The following ANKRD30B variants were observed in gnomAD, a reference collection of about 807,000 sequenced individuals.
The protein encoded by ANKRD30B is ankyrin repeat domain 30B.
Under a neutral mutation model 202.2 loss-of-function variants are expected in ANKRD30B, and 144 were observed. The observed-to-expected ratio is 0.71, with a 90% CI of 0.62 to 0.82. The LOEUF (loss-of-function observed/expected upper bound fraction) is 0.82. Ranked by LOEUF, ANKRD30B falls within the 40% of genes least tolerant of loss-of-function variation. ANKRD30B has a pLI of 0.00. For synonymous variants in ANKRD30B, 508 were observed against 561.3 expected, an observed-to-expected ratio of 0.91 and a Z score of 1.34; for missense variants, 1,487 against 1,669.1, an observed-to-expected ratio of 0.89 and a Z score of 1.90.
intron 6 of ANKRD30B, 43 bp downstream of exon 6, chr18:14,760,661 A>G (rs1915111903): frequency 1.5e-6 from 2 of 1,347,996 alleles, no homozygotes; most frequent in Non-Finnish European, 2.0e-6. Context: ...GTGCTACCAT[A>G]AGATTAGGGA....
chr18:14,868,706 A>G, the ANKRD30B span, among the ~76,000 whole-genome samples: 148,356 of 152,326 alleles, frequency 0.97, 72,219 homozygotes, highest in Middle Eastern at 1. Context: ...ATCCTCCTGG[A>G]CCAGTTGATT....
intron 39 of ANKRD30B, among the ~76,000 whole-genome samples, chr18:14,848,266 A>G (rs1347219984): frequency 1.3e-5 from 2 of 152,232 alleles, no homozygotes; most frequent in East Asian, 3.9e-4. Flanking sequence ...GCTAAGAAGA[A>G]AAATCAATAC....
rs376354054 is a variant in ANKRD30B at position 14,752,633 on chromosome 18, T to G, written c.289T>G (p.Cys97Gly). The G allele has an allele frequency of 1.6e-5, 25 of 1,611,076 alleles. No homozygotes were observed. The East Asian group carries it at 3.6e-4, about 23-fold the overall frequency. The change falls in exon 2 of 44, where the codon TGC (cysteine) becomes GGC (glycine). Residue 97 changes from cysteine (C) to glycine (G), a missense_variant. Physicochemically the swap from Cys to Gly is radical, Grantham distance 159 (BLOSUM62 -3). Coordinates refer to ENST00000690538, the MANE Select transcript of ANKRD30B (RefSeq NM_001367607.2). ...AGTAACATTTCTGGTAGACAGAAAG[T>G]GCCAGCTTAATGTCCTTGATGGCGA... ...EVVTFLVDRK[C>G]QLNVLDGEGR...
chr18:14,788,324 C>G (rs904919225), intron 15 of ANKRD30B, among the ~76,000 whole-genome samples: 74 of 152,034 alleles, frequency 4.9e-4, no homozygotes, highest in Non-Finnish European at 1.0e-3. Flanking sequence ...GCTCAGTAAC[C>G]AAGTTAATGG....
chr18:14,887,427 A>G, the ANKRD30B span, among the ~76,000 whole-genome samples: 83 of 152,298 alleles, frequency 5.4e-4, no homozygotes, highest in African/African-American at 1.9e-3. Flanking sequence ...ATTCAAATAT[A>G]TTCTAACTTT....
intron 9 of ANKRD30B, among the ~76,000 whole-genome samples, chr18:14,773,801 G>C (rs1289927956): frequency 6.6e-6 from 1 of 151,834 alleles, no homozygotes; most frequent in Non-Finnish European, 1.5e-5. Context: ...GACTACAGGC[G>C]CATGCCACAA....
the ANKRD30B span, among the ~76,000 whole-genome samples, chr18:14,860,962 A>G: frequency 2.0e-5 from 3 of 152,176 alleles, no homozygotes; most frequent in Non-Finnish European, 4.4e-5. Flanking sequence ...TGGCCTCCCA[A>G]AGTGCTAGGA....
chr18:14,814,573 T>G, intron 29 of ANKRD30B, 48 bp from the exon 30 acceptor site: 1 of 1,185,814 alleles, frequency 8.4e-7, no homozygotes, highest in Non-Finnish European at 1.2e-6. Flanking sequence ...TACTCTTCAT[T>G]ATTGGGATTT....
At chr18:14,858,910 C>T (rs370773809), downstream of ANKRD30B, among the ~76,000 whole-genome samples, 9,189 of 61,246 alleles carry the variant, frequency 0.15, 1,168 homozygotes, top group African/African-American at 0.2. Flanking sequence ...ACTTCCCAGA[C>T]GGGGCGGCTG....
At chr18:14,791,350 C>T (rs1968492004) in intron 15 of ANKRD30B, 51 bp from the exon 16 acceptor site, 1 of 1,466,444 alleles carries the variant, frequency 6.8e-7, no homozygotes, top group Admixed American at 2.1e-5. Context: ...TGATACTCTT[C>T]ATTACTAGGA....
chr18:14,751,888 G>GA (rs1913513616), intron 1 of ANKRD30B, among the ~76,000 whole-genome samples: 1 of 152,088 alleles, frequency 6.6e-6, no homozygotes, highest in South Asian at 2.1e-4. Context: ...AAGACACTGT[G>GA]AATTGTGTGA....
At chr18:14,795,474 G>A (rs1233449836) in intron 16 of ANKRD30B, among the ~76,000 whole-genome samples, 1 of 152,330 alleles carries the variant, frequency 6.6e-6, no homozygotes, top group East Asian at 1.9e-4. Context: ...TGGAGTTACA[G>A]GCATGAGCCA....
intron 30 of ANKRD30B, chr18:14,816,087 T>A (rs1970086308): frequency 6.6e-6 from 1 of 152,186 alleles, no homozygotes. Flanking sequence ...TGGTGAATAT[T>A]TGTAATGTAA....
At chr18:14,916,148 C>T in the ANKRD30B span, among the ~76,000 whole-genome samples, 45 of 152,286 alleles carry the variant, frequency 3.0e-4, no homozygotes, top group African/African-American at 1.1e-3. Flanking sequence ...GGGCCTCAGC[C>T]AACCCTGATG....
chr18:14,763,656 G>C, intron 6 of ANKRD30B, 30 bp from the exon 7 acceptor site: 1 of 1,608,180 alleles, frequency 6.2e-7, no homozygotes, highest in Non-Finnish European at 8.5e-7. Context: ...TAAGCAGAAA[G>C]AAAATTTAAC....
Position 14,782,564 on chromosome 18 carries a change from T to C in ANKRD30B, c.1520T>C (p.Ile507Thr), listed in dbSNP as rs753735628. The C allele has an allele frequency of 1.9e-6, 3 of 1,590,900 alleles. No homozygotes were observed. Among genetic ancestry groups the C allele is most frequent in the Admixed American group, 3.7e-5 (2 of 54,462 alleles). ...AGTTCTGCAAAGACTCAAGTGTGTA[T>C]ACCTGAGTCTATGTATCAGAAAGTA... Reference protein sequence around the residue: ...FESSAKTQVCIPESMYQKVME... With the variant: ...FESSAKTQVCTPESMYQKVME... Residue 507 changes from isoleucine (I) to threonine (T), a missense_variant, in exon 12 of 44, where the codon ATA (isoleucine) becomes ACA (threonine). This residue lies in a region of ANKRD30B where 889 missense variants were observed against 841.4 expected (regional missense o/e 1.06). Transcript: ENST00000690538.
At chr18:14,887,123 C>T in the ANKRD30B span, among the ~76,000 whole-genome samples, 1 of 152,076 alleles carries the variant, frequency 6.6e-6, no homozygotes. Flanking sequence ...TAAATGTTGA[C>T]CTCCCATTGG....
intron 16 of ANKRD30B, among the ~76,000 whole-genome samples, chr18:14,795,656 T>C (rs1255023087): frequency 6.6e-6 from 1 of 152,228 alleles, no homozygotes; most frequent in Non-Finnish European, 1.5e-5. Context: ...TATAAGTAGA[T>C]ATTTATGCTG....
chr18:14,858,943 C>T (rs1338103555), downstream of ANKRD30B, among the ~76,000 whole-genome samples: 50 of 94,766 alleles, frequency 5.3e-4, 3 homozygotes, highest in African/African-American at 2.4e-3. Context: ...CCTCACCTCC[C>T]AGATGAGGCG....
Sources: gnomAD v4.1 joint callset for allele counts (sites outside exome capture counted in the v4.1 genomes callset) on GRCh38, gnomAD v4.1.1 for gene constraint, gnomAD v4.1.1 regional missense constraint, MANE v1.5 for transcripts, NCBI Gene and HGNC (gene_info 2026-07-23, HGNC 2026-07-21) for gene names.